SLC38A6: variants seen among roughly 807,000 people sequenced by gnomAD.
The protein encoded by SLC38A6 is solute carrier family 38 member 6, also known as N system amino acid transporter NAT-1.
Under a neutral mutation model 65.0 loss-of-function variants are expected in SLC38A6, and 73 were observed. The observed-to-expected ratio is 1.12, with a 90% CI of 0.93 to 1.37. The LOEUF (loss-of-function observed/expected upper bound fraction) is 1.37. SLC38A6 is among the 40% of genes most tolerant of loss of function. The pLI, the probability that SLC38A6 is intolerant of heterozygous loss-of-function variation, is 0.00. For missense variants in SLC38A6, 561 were observed against 531.1 expected, an observed-to-expected ratio of 1.06 and a Z score of -0.55; for synonymous variants, 183 against 178.8, an observed-to-expected ratio of 1.02 and a Z score of -0.19.
chr14:61,048,138 A>G (rs777827367), intron 12 of SLC38A6: 1 of 454,740 alleles, frequency 2.2e-6, no homozygotes, highest in South Asian at 1.6e-5. Context: ...CTTTGATCAT[A>G]TCTTTCTACC....
intron 15 of SLC38A6, among the ~76,000 whole-genome samples, chr14:61,069,910 TAGAG>T (rs376908975): frequency 7.3e-5 from 11 of 150,260 alleles, no homozygotes; most frequent in African/African-American, 2.7e-4. Flanking sequence ...ATGCCTCTCT[TAGAG>T]AGAGAGAGAG....
chr14:61,032,699 A>T (rs1233871926), intron 6 of SLC38A6, among the ~76,000 whole-genome samples: 1 of 151,890 alleles, frequency 6.6e-6, no homozygotes, highest in East Asian at 1.9e-4. Flanking sequence ...ATGCAGATAA[A>T]TCATTAGTCT....
chr14:61,063,928 G>C (rs2042941419), intron 15 of SLC38A6, among the ~76,000 whole-genome samples: 1 of 152,182 alleles, frequency 6.6e-6, no homozygotes, highest in South Asian at 2.1e-4. Context: ...AGACTCTTTT[G>C]ATAGATTAAA....
Position 61,046,140 on chromosome 14 carries a change from G to T in SLC38A6, c.898G>T (p.Ala300Ser). Residue 300 changes from alanine (A) to serine (S), a missense_variant, in exon 12 of 16, where the codon GCA becomes TCA. By Grantham distance (99) the Ala-to-Ser change is moderately conservative. Transcript: ENST00000267488. Reference sequence around the variant, plus strand: ...AAGTTTTCTCATTTATTTTATATCTGCACTCTTTGGGTACCTCACTTTTTA... The same window carrying T: ...AAGTTTTCTCATTTATTTTATATCTTCACTCTTTGGGTACCTCACTTTTTA... Reference protein sequence around the residue: ...ALSFLIYFISALFGYLTFYDK... With the variant: ...ALSFLIYFISSLFGYLTFYDK... The T allele has an allele frequency of 6.2e-7, 1 of 1,605,308 alleles. No individual in the cohort carries two copies. Among genetic ancestry groups the T allele is most frequent in the Non-Finnish European group, 8.5e-7 (1 of 1,173,228 alleles).
At chr14:61,052,159 T>C in intron 15 of SLC38A6, 24 bp downstream of exon 15, 1 of 1,499,082 alleles carries the variant, frequency 6.7e-7, no homozygotes, top group African/African-American at 1.4e-5. Context: ...GTTTCTTTCT[T>C]TCAAGACTTC....
At chr14:61,057,807 T>A (rs1405374170) in intron 15 of SLC38A6, among the ~76,000 whole-genome samples, 1 of 121,168 alleles carries the variant, frequency 8.3e-6, no homozygotes, top group East Asian at 2.4e-4. Context: ...AGCTTGTTAT[T>A]GGTCTATTCA....
At chr14:61,048,438 A>G (rs2042294816) in intron 12 of SLC38A6, 2 of 218,386 alleles carry the variant, frequency 9.2e-6, no homozygotes, top group South Asian at 6.9e-5. Context: ...AGAGATCACC[A>G]TTAGGCCCTT....
intron 12 of SLC38A6, 27 bp from the exon 13 acceptor site, chr14:61,050,485 A>T: frequency 6.9e-7 from 1 of 1,444,384 alleles, no homozygotes; most frequent in Non-Finnish European, 9.5e-7. Context: ...GTACTTTATA[A>T]TGTGATCCTT....
intron 15 of SLC38A6, among the ~76,000 whole-genome samples, chr14:61,076,291 C>A (rs2043415145): frequency 6.6e-6 from 1 of 152,146 alleles, no homozygotes; most frequent in African/African-American, 2.4e-5. Context: ...CTCCAACCTG[C>A]TAAAATCTGA....
chr14:61,031,684 A>G (rs2041002240), intron 6 of SLC38A6, among the ~76,000 whole-genome samples: 1 of 152,014 alleles, frequency 6.6e-6, no homozygotes, highest in Non-Finnish European at 1.5e-5. Context: ...TTAGGTTGAT[A>G]AACAATTCCT....
In SLC38A6 at chr14:61,051,835, T is replaced by C. The variant is rs573979182; in HGVS notation, c.1099T>C (p.Trp367Arg). 2.5e-6 allele frequency: 4 copies of C among 1,612,732 alleles called. No homozygotes were observed. In the African/African-American group the frequency reaches 5.3e-5, roughly 22 times the overall value. The change falls in exon 14 of 16, where the codon TGG becomes CGG. Residue 367 changes from tryptophan (W) to arginine (R), a missense_variant. Physicochemically the swap from Trp to Arg is moderately radical, Grantham distance 101 (BLOSUM62 -3). Coordinates refer to ENST00000267488, the MANE Select transcript of SLC38A6 (RefSeq NM_153811.3). ...MMFFSNFPFSWIRHFLITLAL... is the reference protein window; with the variant it reads ...MMFFSNFPFSRIRHFLITLAL... ...GTTTTTCTCCAATTTTCCATTCTCA[T>C]GGATTCGCCATTTTTTGATCACTCT...
intron 15 of SLC38A6, among the ~76,000 whole-genome samples, chr14:61,072,997 C>T (rs945433397): frequency 2.0e-5 from 3 of 152,220 alleles, no homozygotes; most frequent in African/African-American, 7.2e-5. Flanking sequence ...TCCCCCCCAA[C>T]AGTGCATAAA....
At chr14:61,033,613 T>G (rs1327254209) in intron 6 of SLC38A6, among the ~76,000 whole-genome samples, 1 of 152,114 alleles carries the variant, frequency 6.6e-6, no homozygotes, top group Non-Finnish European at 1.5e-5. Flanking sequence ...ACTAGTTTGT[T>G]TTTCTCAGGC....
At chr14:61,068,740 A>C (rs755386542) in intron 15 of SLC38A6, among the ~76,000 whole-genome samples, 6 of 152,204 alleles carry the variant, frequency 3.9e-5, no homozygotes, top group Non-Finnish European at 8.8e-5. Context: ...GTCTGTGTCC[A>C]CTAGACTGAA....
intron 15 of SLC38A6, among the ~76,000 whole-genome samples, chr14:61,074,130 G>C (rs1215572866): frequency 6.6e-6 from 1 of 152,138 alleles, no homozygotes; most frequent in Non-Finnish European, 1.5e-5. Context: ...GTCAAAAATT[G>C]TACACAGATT....
chr14:60,989,481 C>T (rs762757154), intron 3 of SLC38A6, among the ~76,000 whole-genome samples: 25 of 152,004 alleles, frequency 1.6e-4, no homozygotes, highest in Non-Finnish European at 5.9e-5. Flanking sequence ...CCTAGCACTT[C>T]GGGAGGCAGA....
At chr14:61,076,004 A>T (rs1044316422) in intron 15 of SLC38A6, among the ~76,000 whole-genome samples, 1 of 151,952 alleles carries the variant, frequency 6.6e-6, no homozygotes, top group Non-Finnish European at 1.5e-5. Flanking sequence ...TACAGGCATG[A>T]GCCACCACAC....
chr14:61,019,603 T>A (rs1172063667), intron 5 of SLC38A6, 23 bp downstream of exon 5: 1 of 1,609,998 alleles, frequency 6.2e-7, no homozygotes. Context: ...AAGTGCACTG[T>A]TTATACATAA....
At chr14:61,042,748 T>G (rs927305221) in intron 8 of SLC38A6, among the ~76,000 whole-genome samples, 1 of 152,204 alleles carries the variant, frequency 6.6e-6, no homozygotes, top group Non-Finnish European at 1.5e-5. Flanking sequence ...TCCTGTGGCC[T>G]TTCCATAAAC....
Sources: allele counts gnomAD v4.1 joint callset (sites outside exome capture counted in the v4.1 genomes callset), GRCh38; gene constraint gnomAD v4.1.1; transcripts MANE v1.5; gene names NCBI Gene and HGNC (gene_info 2026-07-23, HGNC 2026-07-21).